The following UBE2G2 variants were observed in gnomAD, a reference collection of about 807,000 sequenced individuals.
UBE2G2 encodes the protein ubiquitin conjugating enzyme E2 G2.
A neutral mutation model predicts 23.0 loss-of-function variants in UBE2G2; 10 were observed. The ratio of observed to expected loss-of-function variants is 0.43; its 90% confidence interval spans 0.27 to 0.74. The LOEUF (loss-of-function observed/expected upper bound fraction) is 0.74. UBE2G2 is among the 30% of genes least tolerant of loss of function. UBE2G2 has a pLI of 0.19. For missense variants in UBE2G2, 150 were observed against 218.3 expected, an observed-to-expected ratio of 0.69 and a Z score of 1.97; for synonymous variants, 86 against 81.3, an observed-to-expected ratio of 1.06 and a Z score of -0.31.
chr21:44,788,617 G>A (rs2083019254), intron 1 of UBE2G2, among the ~76,000 whole-genome samples: 1 of 136,756 alleles, frequency 7.3e-6, no homozygotes, highest in Non-Finnish European at 1.7e-5. Context: ...ACAAAACATA[G>A]ACTTTTCTTT....
rs1405102540 is a variant in UBE2G2, at chr21:44,777,546, G to A, written c.126-129C>T. On this transcript the variant is annotated intron_variant, in intron 3 of 5. Coordinates refer to ENST00000345496, the MANE Select transcript of UBE2G2 (RefSeq NM_003343.6). Reference sequence around the variant, plus strand: ...CGTGAGGCCGGGTGCGGTGGCTCACGCCTGTAATCCCAGCACTTTGGAAGG... The same window carrying A: ...CGTGAGGCCGGGTGCGGTGGCTCACACCTGTAATCCCAGCACTTTGGAAGG... 16 of 856,436 alleles carry A rather than the reference G, an allele frequency of 1.9e-5. No individual in the cohort carries two copies. In the East Asian group the frequency reaches 2.8e-4, roughly 15 times the overall value. 53.1% of individuals were successfully genotyped at this position (856,436 alleles called of 1,614,324 possible). A position where few individuals can be genotyped will look rare whatever the true frequency, so the allele number is the denominator to read the frequency against.
chr21:44,781,748 T>C (rs1171449195), intron 3 of UBE2G2, among the ~76,000 whole-genome samples: 1 of 152,102 alleles, frequency 6.6e-6, no homozygotes, highest in African/African-American at 2.4e-5. Flanking sequence ...TTTGTGGTGT[T>C]CTAAGCACCC....
intron 1 of UBE2G2, among the ~76,000 whole-genome samples, chr21:44,793,358 T>C (rs1170560278): frequency 6.6e-6 from 1 of 152,200 alleles, no homozygotes; most frequent in East Asian, 1.9e-4. Flanking sequence ...GGCACTCCCC[T>C]GCGTGACACC....
rs543881860 is a variant in UBE2G2 at position 44,784,071 on chromosome 21, G to A, written c.125+3849C>T. On this transcript the variant is annotated intron_variant, in intron 3 of 5. Transcript: ENST00000345496. ...CTTGTGGGGCTGAGGTGGGAGGATTGTTTGAGCCTGGGAGTTTGAGGCTGC... is the reference window on the plus strand; with the variant it reads ...CTTGTGGGGCTGAGGTGGGAGGATTATTTGAGCCTGGGAGTTTGAGGCTGC... Among the ~76,000 whole-genome samples, 3 of 151,610 alleles carry A rather than the reference G, an allele frequency of 2.0e-5. No individual in the cohort carries two copies. In the South Asian group the frequency reaches 6.3e-4, roughly 32 times the overall value.
chr21:44,786,875 T>C (rs1245001759), intron 3 of UBE2G2, among the ~76,000 whole-genome samples: 1 of 152,210 alleles, frequency 6.6e-6, no homozygotes, highest in Non-Finnish European at 1.5e-5. Flanking sequence ...GCGGAACACC[T>C]GAGGTCAGAA....
intron 1 of UBE2G2, among the ~76,000 whole-genome samples, chr21:44,794,537 G>GTT (rs34142774): frequency 5.2e-4 from 71 of 136,476 alleles, no homozygotes; most frequent in South Asian, 3.2e-3. Context: ...TTCTTTTTTT[G>GTT]TTTTTTTTTT....
intron 1 of UBE2G2, among the ~76,000 whole-genome samples, chr21:44,796,720 C>G (rs1230534771): frequency 6.6e-6 from 1 of 152,226 alleles, no homozygotes; most frequent in Non-Finnish European, 1.5e-5. Context: ...CTGGACACAG[C>G]ATGGGCCAGC....
At chr21:44,788,579 G>A (rs927886525) in intron 1 of UBE2G2, among the ~76,000 whole-genome samples, 11 of 152,114 alleles carry the variant, frequency 7.2e-5, no homozygotes, top group East Asian at 1.9e-4. Flanking sequence ...ATGAGCCACC[G>A]CGCCGGCCCA....
intron 3 of UBE2G2, among the ~76,000 whole-genome samples, chr21:44,785,213 G>A (rs235367): frequency 0.053 from 8,012 of 152,258 alleles, 312 homozygotes; most frequent in African/African-American, 0.095. Context: ...CCACAGCCAC[G>A]GTGGCCACAT....
At chr21:44,796,955 T>C (rs2083094764) in intron 1 of UBE2G2, among the ~76,000 whole-genome samples, 1 of 152,250 alleles carries the variant, frequency 6.6e-6, no homozygotes, top group Non-Finnish European at 1.5e-5. Context: ...CTGCCTTCAC[T>C]GACTGCTTTT....
At chr21:44,800,518 CA>C (rs1299964193) in intron 1 of UBE2G2, 1 of 152,170 alleles carries the variant, frequency 6.6e-6, no homozygotes, top group African/African-American at 2.4e-5. Context: ...AGAGGCTATG[CA>C]TACATTAAAT....
chr21:44,787,906 T>C lies in UBE2G2; in HGVS notation c.125+14A>G. ...GCAAAGCCCTAAAAACTAGTACACC[T>C]AAAATTAACTTACATGATCAATGCC... is the stretch of plus-strand genomic sequence containing the variant. On this transcript the variant is annotated intron_variant, in intron 3 of 5. Transcript: ENST00000345496. 1 of 1,613,810 alleles carries C rather than the reference T, an allele frequency of 6.2e-7. No individual in the cohort carries two copies. Among genetic ancestry groups the C allele is most frequent in the Non-Finnish European group, 8.5e-7 (1 of 1,179,888 alleles).
At position 44,771,428 on chromosome 21, in the gene UBE2G2, C is replaced by T. The variant is rs782660546; in HGVS notation, c.447G>A (p.Glu149=). ...DASKMWRDDR[E]QFYKIAKQIV... ...TCTGCTTGGCAATCTTATAGAACTG[C>T]TCCCGGTCATCGCGCCACATTTTGG... Residue 149 remains glutamate (E), a synonymous_variant, in exon 6 of 6, where the codon GAG becomes GAA. Coordinates refer to ENST00000345496, the MANE Select transcript of UBE2G2 (RefSeq NM_003343.6). The surrounding 1 kb of genome is among the most constrained non-coding windows in gnomAD (Gnocchi z 4.6). 3.1e-6 allele frequency: 5 copies of T among 1,613,124 alleles called. No homozygotes were observed. The African/African-American group carries it at 4.0e-5, about 13-fold the overall frequency.
intron 4 of UBE2G2, 71 bp downstream of exon 4, chr21:44,777,228 T>C: frequency 7.7e-7 from 1 of 1,302,582 alleles, no homozygotes; most frequent in East Asian, 2.3e-5. Context: ...ATATACCACA[T>C]TTCAGGTGGC....
chr21:44,773,827 G>C, intron 4 of UBE2G2, 140 bp from the exon 5 acceptor site: 1 of 1,199,856 alleles, frequency 8.3e-7, no homozygotes. Context: ...GCATAGCCTG[G>C]GGCCCTGAGT....
chr21:44,792,859 T>G (rs2083056377), intron 1 of UBE2G2, among the ~76,000 whole-genome samples: 1 of 152,010 alleles, frequency 6.6e-6, no homozygotes, highest in Non-Finnish European at 1.5e-5. Flanking sequence ...GAAGGCAGAG[T>G]GGCAAGGAGG....
At chr21:44,776,452 C>G (rs1267935556) in intron 4 of UBE2G2, among the ~76,000 whole-genome samples, 1 of 152,160 alleles carries the variant, frequency 6.6e-6, no homozygotes, top group African/African-American at 2.4e-5. Context: ...TATAACAGTG[C>G]TACTGCTTTT....
intron 3 of UBE2G2, among the ~76,000 whole-genome samples, chr21:44,778,207 C>T (rs1360200558): frequency 1.4e-4 from 21 of 152,216 alleles, no homozygotes; most frequent in Admixed American, 1.3e-3. Context: ...AATTTTTAAA[C>T]GTGCCCAAGA....
intron 1 of UBE2G2, chr21:44,800,418 T>C (rs542721147): frequency 1.2e-5 from 1 of 81,522 alleles, no homozygotes; most frequent in African/African-American, 1.1e-4. Flanking sequence ...GATTTAAAAA[T>C]ACAAGTAAAA....
Sources: allele counts gnomAD v4.1 joint callset (sites outside exome capture counted in the v4.1 genomes callset), GRCh38; gene constraint gnomAD v4.1.1; non-coding constraint Gnocchi (gnomAD v3.1); transcripts MANE v1.5; gene names NCBI Gene and HGNC (gene_info 2026-07-23, HGNC 2026-07-21).